The following CSRNP3 variants were observed in gnomAD, a reference collection of about 807,000 sequenced individuals.
CSRNP3 encodes the protein cysteine/serine-rich nuclear protein 3.
In CSRNP3, 12 loss-of-function variants were observed where a neutral mutation model predicts 48.0. The observed-to-expected ratio is 0.25, with a 90% CI of 0.16 to 0.41. The LOEUF is 0.41. Among genes scored for constraint, CSRNP3 ranks in the 10% least tolerant of loss-of-function variants. The pLI, the probability that CSRNP3 is intolerant of heterozygous loss-of-function variation, is 1.00. For missense variants in CSRNP3, 580 were observed against 724.4 expected (o/e 0.80, Z 2.29); for synonymous variants, 263 against 269.7 (o/e 0.98, Z 0.24).
intron 3 of CSRNP3, among the ~76,000 whole-genome samples, chr2:165,552,643 T>A (rs1205870968): frequency 6.6e-6 from 1 of 152,078 alleles, no homozygotes; most frequent in Non-Finnish European, 1.5e-5. Context: ...AAATGTTAGC[T>A]CTTGTCTCAC....
rs1230779217 is a variant in CSRNP3 at position 165,684,604 on chromosome 2, T to C, written c.*4851T>C. ...CTAATATGAATTTTCACCTTCTGAT[T>C]GCATTACTTTTTCTGAAATCTGCTA... On this transcript the variant is annotated 3_prime_UTR_variant, in exon 7 of 7. Coordinates refer to ENST00000651982, the MANE Select transcript of CSRNP3 (RefSeq NM_001172173.2). 1 of 126,730 alleles carries C rather than the reference T, an allele frequency of 7.9e-6. No homozygotes were observed. The highest frequency in any genetic ancestry group is 2.6e-5 in the African/African-American group (1 of 38,966). 7.9% of individuals were successfully genotyped at this position (126,730 alleles called of 1,614,324 possible).
chr2:165,578,296 G>GAAT (rs1316986540), intron 3 of CSRNP3, among the ~76,000 whole-genome samples: 1 of 151,978 alleles, frequency 6.6e-6, no homozygotes, highest in African/African-American at 2.4e-5. Flanking sequence ...GCAAGCTTAT[G>GAAT]AATCCACATA....
intron 1 of CSRNP3, among the ~76,000 whole-genome samples, chr2:165,484,171 C>T (rs1363088249): frequency 2.0e-5 from 3 of 152,068 alleles, no homozygotes; most frequent in Non-Finnish European, 4.4e-5. Flanking sequence ...CTCACTGCAG[C>T]CTCCACCTCC....
chr2:165,569,020 G>A (rs1036557923), intron 3 of CSRNP3, among the ~76,000 whole-genome samples: 1 of 151,928 alleles, frequency 6.6e-6, no homozygotes, highest in Non-Finnish European at 1.5e-5. Context: ...AACATGCTCA[G>A]CACATTTTTT....
At position 165,529,641 on chromosome 2, in the gene CSRNP3, A is replaced by C. The variant is rs190889832; in HGVS notation, c.-24+11680A>C. Among the ~76,000 whole-genome samples, 15 of 152,366 alleles carry C rather than the reference A, an allele frequency of 9.8e-5. 1 individual carries two copies. The South Asian group carries it at 2.5e-3, about 25-fold the overall frequency. On this transcript the variant is annotated intron_variant, in intron 3 of 6. Transcript: ENST00000651982. ...CATATACACACATGCATAGGAGTGC[A>C]TGCAGAAACTTCTCTTTTTTTCAAA... is the stretch of plus-strand genomic sequence containing the variant.
rs1687547251 is a variant in CSRNP3 at position 165,681,758 on chromosome 2, T to TATATATAC, written c.*2008_*2009insTATACATA. On this transcript the variant is annotated 3_prime_UTR_variant, in exon 7 of 7. Coordinates refer to ENST00000651982, the MANE Select transcript of CSRNP3 (RefSeq NM_001172173.2). ...ATATATATATATATATATATATATA[T>TATATATAC]ATACACACACACACACACATACACA... is the stretch of plus-strand genomic sequence containing the variant. 2.0e-5 allele frequency: 1 copy of TATATATAC among 50,808 alleles called. No homozygotes were observed. Among genetic ancestry groups the TATATATAC allele is most frequent in the Non-Finnish European group, 5.5e-5 (1 of 18,094 alleles). 3.1% of individuals were successfully genotyped at this position (50,808 alleles called of 1,614,324 possible). A position where few individuals can be genotyped will look rare whatever the true frequency, so the allele number is the denominator to read the frequency against.
intron 1 of CSRNP3, among the ~76,000 whole-genome samples, chr2:165,473,034 A>G (rs1183621239): frequency 6.6e-6 from 1 of 152,118 alleles, no homozygotes; most frequent in Non-Finnish European, 1.5e-5. Context: ...CAAATCAGAT[A>G]GACTAGTAAA....
At chr2:165,528,987 C>G (rs1294768801) in intron 3 of CSRNP3, among the ~76,000 whole-genome samples, 5 of 152,288 alleles carry the variant, frequency 3.3e-5, no homozygotes, top group African/African-American at 1.2e-4. Flanking sequence ...GGGGGGAGCC[C>G]TGCCCTCCTG....
At chr2:165,474,311 T>C (rs1254087534) in intron 1 of CSRNP3, among the ~76,000 whole-genome samples, 1 of 152,128 alleles carries the variant, frequency 6.6e-6, no homozygotes, top group African/African-American at 2.4e-5. Context: ...AAGATTATAG[T>C]GTACTACAGC....
intron 2 of CSRNP3, among the ~76,000 whole-genome samples, chr2:165,512,632 T>C (rs575707383): frequency 2.4e-4 from 36 of 152,378 alleles, no homozygotes; most frequent in Middle Eastern, 3.4e-3. Flanking sequence ...TTTCAACATA[T>C]GTGAAAACAA....
intron 3 of CSRNP3, among the ~76,000 whole-genome samples, chr2:165,581,456 C>T (rs182848383): frequency 6.6e-5 from 10 of 152,202 alleles, no homozygotes; most frequent in Non-Finnish European, 1.0e-4. Flanking sequence ...GAGGTCATGG[C>T]TTTTGTCATT....
chr2:165,505,849 C>G (rs1684418207), intron 2 of CSRNP3, among the ~76,000 whole-genome samples: 1 of 152,140 alleles, frequency 6.6e-6, no homozygotes, highest in Non-Finnish European at 1.5e-5. Flanking sequence ...ACTGGTAATA[C>G]ATGACATTTG....
chr2:165,649,697 C>G (rs1195326999), intron 4 of CSRNP3, among the ~76,000 whole-genome samples: 6 of 152,134 alleles, frequency 3.9e-5, no homozygotes, highest in Admixed American at 3.3e-4. Flanking sequence ...TGAGCATCAC[C>G]TAAGTGGAGG....
intron 4 of CSRNP3, among the ~76,000 whole-genome samples, chr2:165,612,807 T>C (rs1686161354): frequency 6.6e-6 from 1 of 152,042 alleles, no homozygotes. Context: ...TATACCACAT[T>C]TTCTTTATCC....
At chr2:165,677,044 T>A (rs1037690857) in intron 6 of CSRNP3, among the ~76,000 whole-genome samples, 7 of 152,202 alleles carry the variant, frequency 4.6e-5, no homozygotes, top group Non-Finnish European at 7.3e-5. Flanking sequence ...AGATTGAGAC[T>A]GCAGAAAATG....
chr2:165,543,681 AC>A (rs1303908487), intron 3 of CSRNP3, among the ~76,000 whole-genome samples: 3 of 152,150 alleles, frequency 2.0e-5, no homozygotes, highest in Admixed American at 2.0e-4. Context: ...ATGGGCACAT[AC>A]TAATAGTAGG....
In CSRNP3 at chr2:165,597,492, C is replaced by T. The variant is rs148330546; in HGVS notation, c.148+2279C>T. ...CAAAATACCAGATAGATTACATGGA[C>T]AATTTTTTTTAATAATGAGGAAAGT... is the stretch of plus-strand genomic sequence containing the variant. On this transcript the variant is annotated intron_variant, in intron 4 of 6. Coordinates refer to ENST00000651982, the MANE Select transcript of CSRNP3 (RefSeq NM_001172173.2). Among the ~76,000 whole-genome samples, 122 of 151,964 alleles carry T rather than the reference C, an allele frequency of 8.0e-4. 2 individuals carry two copies. The East Asian group carries it at 0.02, about 25-fold the overall frequency.
At position 165,600,978 on chromosome 2, in the gene CSRNP3, A is replaced by G. The variant is rs73029858; in HGVS notation, c.148+5765A>G. ...TTGTAAGCTTTCTGTTAAAATATCC[A>G]ATTTGTAGCACACCACATTATGGTA... On this transcript the variant is annotated intron_variant, in intron 4 of 6. Transcript: ENST00000651982. 8.6e-3 allele frequency among the ~76,000 whole-genome samples: 1,304 copies of G among 152,336 alleles called. 19 individuals carry two copies. Among genetic ancestry groups the G allele is most frequent in the African/African-American group, 0.029 (1,191 of 41,560 alleles).
chr2:165,538,639 C>T (rs1198111430), intron 3 of CSRNP3, among the ~76,000 whole-genome samples: 1 of 151,802 alleles, frequency 6.6e-6, no homozygotes, highest in Non-Finnish European at 1.5e-5. Context: ...TAGTATCTTG[C>T]CTTGACATTT....
Sources: gnomAD v4.1 joint callset for allele counts (sites outside exome capture counted in the v4.1 genomes callset) on GRCh38, gnomAD v4.1.1 for gene constraint, MANE v1.5 for transcripts, NCBI Gene and HGNC (gene_info 2026-07-23, HGNC 2026-07-21) for gene names.